Variants in DOCK1 observed in about 807,000 individuals in gnomAD.
The protein encoded by DOCK1 is dedicator of cytokinesis protein 1.
In DOCK1, 138 loss-of-function variants were observed where a neutral mutation model predicts 262.7. That is an observed-to-expected ratio of 0.53 (90% CI 0.46 to 0.61). DOCK1 has a LOEUF of 0.61. DOCK1 is among the 20% of genes least tolerant of loss of function. DOCK1 has a pLI of 0.00. For missense variants in DOCK1, 1,908 were observed against 2,370.7 expected (o/e 0.80, Z 4.05); for synonymous variants, 866 against 867.4 (o/e 1.00, Z 0.03).
At chr10:126,912,509 G>A (rs549161792) in intron 1 of DOCK1, among the ~76,000 whole-genome samples, 5 of 151,572 alleles carry the variant, frequency 3.3e-5, no homozygotes, top group African/African-American at 4.8e-5. Context: ...GGGAGATCAC[G>A]AGGTCAGTAG....
rs1332604058 is a variant in DOCK1 at position 127,384,713 on chromosome 10, C to T, written c.3808-77C>T. 32 of 1,442,712 alleles carry T rather than the reference C, an allele frequency of 2.2e-5. No individual in the cohort carries two copies. In the East Asian group the frequency reaches 5.6e-4, roughly 25 times the overall value. 89.4% of individuals were successfully genotyped at this position (1,442,712 alleles called of 1,614,324 possible). ...CAGAACCGCGGCCCACACGCGTGTC[C>T]GATGCGAAGCTCACACCATTCTGAC... On this transcript the variant is annotated intron_variant, in intron 37 of 51. Coordinates refer to ENST00000623213, the MANE Select transcript of DOCK1 (RefSeq NM_001290223.2).
chr10:127,110,831 C>T (rs2048822209), intron 25 of DOCK1, among the ~76,000 whole-genome samples: 1 of 152,200 alleles, frequency 6.6e-6, no homozygotes, highest in Non-Finnish European at 1.5e-5. Context: ...TCCTGCAGAA[C>T]ACTTTATATT....
chr10:127,002,385 C>G (rs965412185), intron 10 of DOCK1, among the ~76,000 whole-genome samples: 7 of 152,110 alleles, frequency 4.6e-5, no homozygotes, highest in African/African-American at 1.7e-4. Flanking sequence ...CAGTTTTTAC[C>G]TTCTTTTGAT....
At chr10:127,026,491 C>T in intron 16 of DOCK1, 67 bp downstream of exon 16, 1 of 1,423,040 alleles carries the variant, frequency 7.0e-7, no homozygotes, top group South Asian at 1.2e-5. Flanking sequence ...GCGCGAGAGG[C>T]CACTCTCAGT....
intron 1 of DOCK1, among the ~76,000 whole-genome samples, chr10:126,921,631 TGAGAGA>T (rs111287513): frequency 6.6e-6 from 1 of 151,094 alleles, no homozygotes; most frequent in African/African-American, 2.4e-5. Context: ...TGAGGACGGG[TGAGAGA>T]GAGAGAGACA....
chr10:127,358,894 A>T (rs1165679045), intron 32 of DOCK1, among the ~76,000 whole-genome samples: 1 of 152,174 alleles, frequency 6.6e-6, no homozygotes, highest in East Asian at 1.9e-4. Context: ...TCGTGAGAAA[A>T]CAAGATGTTG....
Position 127,031,791 on chromosome 10 carries a change from C to T in DOCK1, c.1728+38C>T, listed in dbSNP as rs899425942. ...ATTGGTGCAATATTGCTGCTATAGA[C>T]AGTTTCAGTCTTTTCTGGGCTCCCT... On this transcript the variant is annotated intron_variant, in intron 17 of 51. Transcript: ENST00000623213. The T allele has an allele frequency of 2.6e-6, 4 of 1,568,068 alleles. No individual in the cohort carries two copies. In the African/African-American group the frequency reaches 5.4e-5, roughly 21 times the overall value.
chr10:127,353,675 G>A (rs1421442857), intron 31 of DOCK1, among the ~76,000 whole-genome samples: 1 of 152,206 alleles, frequency 6.6e-6, no homozygotes, highest in Non-Finnish European at 1.5e-5. Flanking sequence ...GGGCCAAGGC[G>A]CATGGCCTCC....
At chr10:127,154,169 T>C (rs997476071) in intron 27 of DOCK1, among the ~76,000 whole-genome samples, 2 of 152,318 alleles carry the variant, frequency 1.3e-5, no homozygotes, top group East Asian at 3.9e-4. Context: ...ATGAAGTAAA[T>C]AATATGATTT....
rs1264413475 is a variant in DOCK1, at chr10:127,012,743, G to C, written c.1201+369G>C. Among the ~76,000 whole-genome samples, 2 of 152,180 alleles carry C rather than the reference G, an allele frequency of 1.3e-5. No individual in the cohort carries two copies. Among genetic ancestry groups the C allele is most frequent in the Admixed American group, 1.3e-4 (2 of 15,270 alleles). ...AAGGTGATTTCATTTGTGCAGACTT[G>C]CTCCCCTGAGTTCTGTCATTTAAGT... On this transcript the variant is annotated intron_variant, in intron 12 of 51. Transcript: ENST00000623213. This position sits in a 1 kb window ranked among gnomAD's most constrained non-coding sequence, Gnocchi z 4.0.
intron 27 of DOCK1, among the ~76,000 whole-genome samples, chr10:127,128,940 G>T (rs928448031): frequency 2.6e-5 from 4 of 152,160 alleles, no homozygotes; most frequent in Non-Finnish European, 4.4e-5. Flanking sequence ...AAAATGACTT[G>T]AAAGGAGAAA....
At position 127,043,248 on chromosome 10, in the gene DOCK1, A is replaced by G. The variant is rs2044136612; in HGVS notation, c.2201+84A>G. ...GAGTCTTTTTCATGTACTTTTGTCT[A>G]TGACTGTGTATTTACTCCTGCTCAA... On this transcript the variant is annotated intron_variant, in intron 21 of 51. Transcript: ENST00000623213. 6 of 1,084,194 alleles carry G rather than the reference A, an allele frequency of 5.5e-6. No individual in the cohort carries two copies. The South Asian group carries it at 5.8e-5, about 10-fold the overall frequency. 67.2% of individuals were successfully genotyped at this position (1,084,194 alleles called of 1,614,324 possible). A position where few individuals can be genotyped will look rare whatever the true frequency, so the allele number is the denominator to read the frequency against.
chr10:127,175,913 T>G lies in DOCK1; in HGVS notation c.2847+48149T>G. 1 of 1,614,168 alleles carries G rather than the reference T, an allele frequency of 6.2e-7. No individual in the cohort carries two copies. On this transcript the variant is annotated intron_variant, in intron 27 of 51. Coordinates refer to ENST00000623213, the MANE Select transcript of DOCK1 (RefSeq NM_001290223.2). The surrounding 1 kb of genome is among the most constrained non-coding windows in gnomAD (Gnocchi z 6.3). Reference sequence around the variant, plus strand: ...TCTTGTGCACCCGCCCCGCGCCACATGGCCGGGCCTCCTCCATGGGTCCAG... The same window carrying G: ...TCTTGTGCACCCGCCCCGCGCCACAGGGCCGGGCCTCCTCCATGGGTCCAG...
chr10:127,430,649 G>C (rs760576803), intron 47 of DOCK1, among the ~76,000 whole-genome samples: 1 of 146,330 alleles, frequency 6.8e-6, no homozygotes, highest in Non-Finnish European at 1.5e-5. Context: ...AGGAAAATGT[G>C]TCACCCTCTG....
chr10:127,401,163 G>A (rs1381722162), intron 38 of DOCK1, among the ~76,000 whole-genome samples: 2 of 151,808 alleles, frequency 1.3e-5, no homozygotes, highest in African/African-American at 4.8e-5. Flanking sequence ...TTACCTGGCC[G>A]CCACCACCCC....
Position 127,437,193 on chromosome 10 carries a change from T to C in DOCK1, c.5061-1834T>C, listed in dbSNP as rs2069745786. On this transcript the variant is annotated intron_variant, in intron 48 of 51. Transcript: ENST00000623213. The surrounding 1 kb of genome is among the most constrained non-coding windows in gnomAD (Gnocchi z 4.4). ...ACATCATAACCTGTTCTCTCTCTTA[T>C]GGAGATGTTAACAGCTATTGATAAT... Among the ~76,000 whole-genome samples, 1 of 152,240 alleles carries C rather than the reference T, an allele frequency of 6.6e-6. No homozygotes were observed. Among genetic ancestry groups the C allele is most frequent in the Non-Finnish European group, 1.5e-5 (1 of 68,038 alleles).
intron 27 of DOCK1, among the ~76,000 whole-genome samples, chr10:127,194,977 GGTCCGGGCGGGA>G (rs143263543): frequency 0.15 from 22,277 of 152,124 alleles, 1,924 homozygotes; most frequent in African/African-American, 0.23. Flanking sequence ...GCAGGAGAGG[GGTCCGGGCGGGA>G]GCCCTGGGCT....
chr10:127,137,979 G>C, intron 27 of DOCK1: 1 of 1,613,332 alleles, frequency 6.2e-7, no homozygotes, highest in Non-Finnish European at 8.5e-7. Context: ...TCTTAGAACC[G>C]GCTGGAGTTT....
intron 27 of DOCK1, among the ~76,000 whole-genome samples, chr10:127,222,745 G>A (rs991622161): frequency 6.8e-6 from 1 of 147,844 alleles, no homozygotes; most frequent in Non-Finnish European, 1.5e-5. Context: ...GGCTCACTGC[G>A]GCCTTGACCT....
Sources: allele counts gnomAD v4.1 joint callset (sites outside exome capture counted in the v4.1 genomes callset), GRCh38; gene constraint gnomAD v4.1.1; non-coding constraint Gnocchi (gnomAD v3.1); transcripts MANE v1.5; gene names NCBI Gene and HGNC (gene_info 2026-07-23, HGNC 2026-07-21).